ARPP21: variants seen among roughly 807,000 people sequenced by gnomAD.
ARPP21 encodes cAMP-regulated phosphoprotein 21.
ARPP21 carries 69 observed loss-of-function variants against 113.2 expected under a neutral mutation model. The ratio of observed to expected loss-of-function variants is 0.61; its 90% confidence interval spans 0.50 to 0.74. The LOEUF (loss-of-function observed/expected upper bound fraction) is 0.74, where lower values mean the gene tolerates loss of function less well. Among genes scored for constraint, ARPP21 ranks in the 30% least tolerant of loss-of-function variants. The pLI, the probability that ARPP21 is intolerant of heterozygous loss-of-function variation, is 0.00. For synonymous variants in ARPP21, 368 were observed against 375.5 expected (o/e 0.98, Z 0.23); for missense variants, 1,070 against 1,037.4 (o/e 1.03, Z -0.43).
rs750713378 is a variant in ARPP21 at position 35,743,914 on chromosome 3, C to A, written c.2086C>A (p.Gln696Lys). 1.9e-6 allele frequency: 3 copies of A among 1,614,088 alleles called. No homozygotes were observed. In the South Asian group the frequency reaches 3.3e-5, roughly 18 times the overall value. Reference protein sequence around the residue: ...TQQYRPMAPVQYNAQRSQQMP... With the variant: ...TQQYRPMAPVKYNAQRSQQMP... ...ACAGTACCGGCCCATGGCCCCGGTT[C>A]AGTACAACGCTCAGAGGAGTCAACA... The change falls in exon 19 of 21, where the codon CAG (glutamine) becomes AAG (lysine). Residue 696 changes from glutamine to lysine, a missense_variant. Physicochemically the swap from Gln to Lys is moderately conservative, Grantham distance 53. Coordinates refer to ENST00000684406, the MANE Select transcript of ARPP21 (RefSeq NM_001385562.1).
intron 9 of ARPP21, among the ~76,000 whole-genome samples, chr3:35,696,897 C>T (rs1359020260): frequency 6.6e-6 from 1 of 151,490 alleles, no homozygotes; most frequent in Non-Finnish European, 1.5e-5. Context: ...CTCTCTTTTA[C>T]TCATTTTCTG....
chr3:35,661,776 G>T (rs1368108879), intron 1 of ARPP21, among the ~76,000 whole-genome samples: 1 of 152,114 alleles, frequency 6.6e-6, no homozygotes, highest in Non-Finnish European at 1.5e-5. Flanking sequence ...GTTACCTTGG[G>T]CAAGTTCCTT....
intron 9 of ARPP21, among the ~76,000 whole-genome samples, chr3:35,693,391 C>T (rs2082830069): frequency 6.6e-6 from 1 of 151,558 alleles, no homozygotes; most frequent in African/African-American, 2.4e-5. Context: ...ATTTGAGTGG[C>T]TGTTGAGGTA....
At chr3:35,751,613 C>G (rs1176391046) in intron 19 of ARPP21, among the ~76,000 whole-genome samples, 17 of 152,058 alleles carry the variant, frequency 1.1e-4, no homozygotes, top group Non-Finnish European at 1.5e-5. Context: ...TTTGGACTAT[C>G]CCTTACAGTC....
intron 1 of ARPP21, among the ~76,000 whole-genome samples, chr3:35,671,449 A>C (rs2076323098): frequency 6.6e-6 from 1 of 152,126 alleles, no homozygotes; most frequent in Admixed American, 6.6e-5. Flanking sequence ...AAATATGTTG[A>C]TCTCAACACA....
chr3:35,761,491 T>C (rs951297009), intron 19 of ARPP21, among the ~76,000 whole-genome samples: 1 of 152,068 alleles, frequency 6.6e-6, no homozygotes, highest in African/African-American at 2.4e-5. Context: ...GCACCACCTC[T>C]GCCTTGTACC....
At chr3:35,766,609 G>T (rs569393845) in intron 19 of ARPP21, among the ~76,000 whole-genome samples, 1 of 152,098 alleles carries the variant, frequency 6.6e-6, no homozygotes, top group Non-Finnish European at 1.5e-5. Flanking sequence ...CTGCTCAAAC[G>T]CACCCTTTGT....
At chr3:35,703,519 AT>A (rs1402780390) in intron 9 of ARPP21, among the ~76,000 whole-genome samples, 1 of 151,924 alleles carries the variant, frequency 6.6e-6, no homozygotes, top group Non-Finnish European at 1.5e-5. Context: ...GGAAAAACAT[AT>A]TTTTACCTTC....
chr3:35,684,691 A>G, intron 5 of ARPP21: 1 of 985,116 alleles, frequency 1.0e-6, no homozygotes, highest in Non-Finnish European at 1.2e-6. Flanking sequence ...TTTTCCTCTT[A>G]CTTTAATTGA....
intron 18 of ARPP21, among the ~76,000 whole-genome samples, chr3:35,741,072 A>G (rs2094628260): frequency 6.6e-6 from 1 of 152,202 alleles, no homozygotes; most frequent in African/African-American, 2.4e-5. Flanking sequence ...TCTACACTCC[A>G]GCCTAGGAAA....
intron 17 of ARPP21, 112 bp from the exon 18 acceptor site, chr3:35,739,205 A>G: frequency 1.6e-6 from 2 of 1,243,542 alleles, no homozygotes; most frequent in Non-Finnish European, 2.3e-6. Flanking sequence ...TCCAAATTGT[A>G]CTTCCTGTCT....
chr3:35,733,540 C>T (rs1410465806), intron 15 of ARPP21, among the ~76,000 whole-genome samples: 1 of 152,156 alleles, frequency 6.6e-6, no homozygotes, highest in East Asian at 1.9e-4. Flanking sequence ...GCCAGCCAGT[C>T]CGTTTTTCCT....
At chr3:35,742,789 T>C (rs2094751745) in intron 18 of ARPP21, among the ~76,000 whole-genome samples, 1 of 152,258 alleles carries the variant, frequency 6.6e-6, no homozygotes, top group Non-Finnish European at 1.5e-5. Context: ...TTATCCTATG[T>C]ATATAATGTT....
chr3:35,695,116 A>C (rs552842947), intron 9 of ARPP21, among the ~76,000 whole-genome samples: 6 of 151,570 alleles, frequency 4.0e-5, no homozygotes, highest in Non-Finnish European at 8.9e-5. Context: ...TTACAAAACT[A>C]CTGCCACAGC....
chr3:35,739,313 G>T lies in ARPP21; in HGVS notation c.1750-4G>T. On this transcript the variant is annotated splice_region_variant and splice_polypyrimidine_tract_variant and intron_variant, in intron 17 of 20. Transcript: ENST00000684406. ...ATTCCCTCATTTATTTCCATGACTT[G>T]CAGAGAGATGATGTGGCAACACAGT... The T allele has an allele frequency of 6.2e-7, 1 of 1,612,686 alleles. No homozygotes were observed. Among genetic ancestry groups the T allele is most frequent in the Non-Finnish European group, 8.5e-7 (1 of 1,179,228 alleles).
chr3:35,727,625 G>T (rs1490952919), intron 14 of ARPP21, among the ~76,000 whole-genome samples: 1 of 152,148 alleles, frequency 6.6e-6, no homozygotes, highest in Non-Finnish European at 1.5e-5. Context: ...TAATACATAA[G>T]AATGCATTTT....
At chr3:35,665,183 CA>C (rs2074020737) in intron 1 of ARPP21, among the ~76,000 whole-genome samples, 1 of 152,036 alleles carries the variant, frequency 6.6e-6, no homozygotes, top group Non-Finnish European at 1.5e-5. Flanking sequence ...TGCACAAAAG[CA>C]ACTTGGAAAG....
intron 1 of ARPP21, among the ~76,000 whole-genome samples, chr3:35,677,015 A>T (rs1389414775): frequency 6.6e-6 from 1 of 151,914 alleles, no homozygotes; most frequent in Non-Finnish European, 1.5e-5. Context: ...TAAGCAAAAC[A>T]TTTCAATTTC....
At chr3:35,666,310 C>T (rs1395368326) in intron 1 of ARPP21, among the ~76,000 whole-genome samples, 1 of 152,044 alleles carries the variant, frequency 6.6e-6, no homozygotes, top group Non-Finnish European at 1.5e-5. Context: ...ACAAAATATT[C>T]CAATCAGTGG....
Sources: allele counts gnomAD v4.1 joint callset (sites outside exome capture counted in the v4.1 genomes callset), GRCh38; gene constraint gnomAD v4.1.1; transcripts MANE v1.5; gene names NCBI Gene and HGNC (gene_info 2026-07-23, HGNC 2026-07-21).